Variants in CDC25A observed in about 807,000 individuals in gnomAD.
The protein encoded by CDC25A is M-phase inducer phosphatase 1.
In CDC25A, 17 loss-of-function variants were observed where a neutral mutation model predicts 64.6. That is an observed-to-expected ratio of 0.26 (90% CI 0.18 to 0.39). The LOEUF (loss-of-function observed/expected upper bound fraction) is 0.39, where lower values mean the gene tolerates loss of function less well. Among genes scored for constraint, CDC25A ranks in the 10% least tolerant of loss-of-function variants. The probability of loss-of-function intolerance (pLI) is 1.00; values close to 1 mark genes in which losing one functional copy is unlikely to be tolerated. For synonymous variants in CDC25A, 229 were observed against 238.6 expected (o/e 0.96, Z 0.37); for missense variants, 473 against 654.8 (o/e 0.72, Z 3.03).
At chr3:48,181,762 G>T in intron 5 of CDC25A, 7 of 595,158 alleles carry the variant, frequency 1.2e-5, no homozygotes, top group Admixed American at 2.7e-5. Context: ...ACATTTTAAA[G>T]TTCTGAGAGA....
chr3:48,186,296 G>A (rs908360683), intron 2 of CDC25A, among the ~76,000 whole-genome samples: 6 of 152,152 alleles, frequency 3.9e-5, no homozygotes, highest in African/African-American at 1.2e-4. Flanking sequence ...ATCACCGGGC[G>A]CGGTGGCTCA....
chr3:48,159,911 T>C (rs2031676302), intron 13 of CDC25A, among the ~76,000 whole-genome samples: 1 of 152,132 alleles, frequency 6.6e-6, no homozygotes, highest in Non-Finnish European at 1.5e-5. Context: ...TTGGACTGAA[T>C]GGTCTTCAAT....
At chr3:48,187,693 C>T in intron 1 of CDC25A, 85 bp downstream of exon 1, 2 of 1,347,318 alleles carry the variant, frequency 1.5e-6, no homozygotes, top group South Asian at 1.4e-5. Context: ...TCTCGCCCTT[C>T]TCCCGGTCCG....
rs1361884929 is a variant in CDC25A at position 48,158,876 on chromosome 3, T to A, written c.*69A>T. 2 of 1,570,460 alleles carry A rather than the reference T, an allele frequency of 1.3e-6. No individual in the cohort carries two copies. The highest frequency in any genetic ancestry group is 1.7e-6 in the Non-Finnish European group (2 of 1,152,746). On this transcript the variant is annotated 3_prime_UTR_variant, in exon 15 of 15. Transcript: ENST00000302506. ...CACAGCTGTCCCCTTTGCTTAAGTT[T>A]CTCTGCAGCAAAGAGGGTAAAGGGG...
intron 9 of CDC25A, among the ~76,000 whole-genome samples, chr3:48,170,575 G>A (rs1288731885): frequency 6.6e-6 from 1 of 152,220 alleles, no homozygotes; most frequent in Non-Finnish European, 1.5e-5. Flanking sequence ...CAGCTATCCA[G>A]AAGCTCTCTG....
intron 12 of CDC25A, 94 bp from the exon 13 acceptor site, chr3:48,164,531 A>T: frequency 5.8e-6 from 7 of 1,203,456 alleles, no homozygotes; most frequent in Non-Finnish European, 7.8e-6. Flanking sequence ...GTGATCTTTA[A>T]GTCCACAAGA....
intron 9 of CDC25A, among the ~76,000 whole-genome samples, chr3:48,172,557 A>G (rs1166689864): frequency 6.6e-6 from 1 of 152,232 alleles, no homozygotes; most frequent in East Asian, 1.9e-4. Context: ...TTAGGCCCAG[A>G]CAACCATGAC....
intron 13 of CDC25A, among the ~76,000 whole-genome samples, chr3:48,160,584 T>C (rs1467898287): frequency 6.6e-6 from 1 of 152,028 alleles, no homozygotes; most frequent in Non-Finnish European, 1.5e-5. Context: ...CTAATTTTTG[T>C]ATTTTTAGTA....
intron 9 of CDC25A, among the ~76,000 whole-genome samples, chr3:48,170,128 A>G (rs190960282): frequency 2.8e-4 from 42 of 152,332 alleles, no homozygotes; most frequent in Admixed American, 2.7e-3. Context: ...ACAGCAACAG[A>G]AGACAGAAGT....
chr3:48,182,081 A>G (rs1043867271), intron 5 of CDC25A, among the ~76,000 whole-genome samples: 2 of 152,226 alleles, frequency 1.3e-5, no homozygotes, highest in African/African-American at 4.8e-5. Flanking sequence ...AAAACCAGGC[A>G]TCAGTACAGC....
intron 5 of CDC25A, among the ~76,000 whole-genome samples, chr3:48,182,368 C>T (rs1429125956): frequency 1.3e-5 from 2 of 152,180 alleles, no homozygotes; most frequent in Non-Finnish European, 2.9e-5. Context: ...TGGATGCCTA[C>T]TCTGTGCAAT....
At chr3:48,159,504 C>A in intron 13 of CDC25A, 49 bp from the exon 14 acceptor site, 1 of 1,233,958 alleles carries the variant, frequency 8.1e-7, no homozygotes, top group South Asian at 1.2e-5. Flanking sequence ...TCCAGCACAG[C>A]AACAAGGCAA....
chr3:48,167,872 T>C lies in CDC25A; in HGVS notation c.1003A>G (p.Arg335Gly). The change falls in exon 10 of 15, where the codon AGG becomes GGG. Residue 335 changes from arginine (R) to glycine (G), a missense_variant. By Grantham distance (125) the Arg-to-Gly change is moderately radical. Coordinates refer to ENST00000302506, the MANE Select transcript of CDC25A (RefSeq NM_001789.3). ...TIENILDNDP[R>G]DLIGDFSKGY... ...TTGGAGAAGTCTCCTATAAGGTCCC[T>C]TGGGTCATTGTCCAAAATGTTCTCA... The C allele has an allele frequency of 6.2e-7, 1 of 1,605,190 alleles. No homozygotes were observed. The highest frequency in any genetic ancestry group is 1.7e-5 in the Admixed American group (1 of 59,966).
intron 3 of CDC25A, 82 bp from the exon 4 acceptor site, chr3:48,183,918 T>C: frequency 1.2e-6 from 1 of 843,082 alleles, no homozygotes; most frequent in Non-Finnish European, 1.9e-6. Context: ...GTGTTTAGCC[T>C]GTAGCTTGGG....
intron 8 of CDC25A, 68 bp from the exon 9 acceptor site, chr3:48,174,525 T>G (rs1029501623): frequency 1.1e-4 from 168 of 1,467,790 alleles, no homozygotes; most frequent in Admixed American, 5.3e-4. Flanking sequence ...GTAAGACAAA[T>G]AAACCGAAGG....
Position 48,166,386 on chromosome 3 carries a change from A to C in CDC25A, c.1030-493T>G, listed in dbSNP as rs371983052. Among the ~76,000 whole-genome samples, 4 of 152,330 alleles carry C rather than the reference A, an allele frequency of 2.6e-5. No homozygotes were observed. The East Asian group carries it at 7.7e-4, about 29-fold the overall frequency. On this transcript the variant is annotated intron_variant, in intron 10 of 14. Coordinates refer to ENST00000302506, the MANE Select transcript of CDC25A (RefSeq NM_001789.3). ...CTGACATTTAATTTTCACACAAACCAATGAGGTATATTATCCCCATTTTGA... is the reference window on the plus strand; with the variant it reads ...CTGACATTTAATTTTCACACAAACCCATGAGGTATATTATCCCCATTTTGA...
chr3:48,187,809 C>T lies in CDC25A; in HGVS notation c.139G>A (p.Val47Ile), dbSNP rs867954944. 3 of 1,547,900 alleles carry T rather than the reference C, an allele frequency of 1.9e-6. No individual in the cohort carries two copies. Among genetic ancestry groups the T allele is most frequent in the Non-Finnish European group, 2.6e-6 (3 of 1,145,418 alleles). ...AGACCCTGCAGCTGGTCCATAGTGACGGTCAGGTTGGTGACAGGCGACAGT... is the reference window on the plus strand; with the variant it reads ...AGACCCTGCAGCTGGTCCATAGTGATGGTCAGGTTGGTGACAGGCGACAGT... ...GGLSPVTNLT[V>I]TMDQLQGLGS... Residue 47 changes from valine to isoleucine, a missense_variant, in exon 1 of 15, where the codon GTC becomes ATC. Around this residue, in one of 2 missense-constraint regions of CDC25A, gnomAD observed 376 missense variants for 431.9 expected, o/e 0.87. Coordinates refer to ENST00000302506, the MANE Select transcript of CDC25A (RefSeq NM_001789.3).
At chr3:48,165,946 C>T (rs1264069738) in intron 10 of CDC25A, 53 bp from the exon 11 acceptor site, 4 of 1,198,116 alleles carry the variant, frequency 3.3e-6, no homozygotes, top group Non-Finnish European at 4.9e-6. Context: ...ATATTATTCA[C>T]ACTTATACTG....
At chr3:48,159,570 T>C (rs956661603) in intron 13 of CDC25A, 115 bp from the exon 14 acceptor site, 44 of 678,646 alleles carry the variant, frequency 6.5e-5, no homozygotes, top group Non-Finnish European at 1.0e-4. Flanking sequence ...CTTCCCAACT[T>C]GACATTTATT....
Sources: gnomAD v4.1 joint callset for allele counts (sites outside exome capture counted in the v4.1 genomes callset) on GRCh38, gnomAD v4.1.1 for gene constraint, gnomAD v4.1.1 regional missense constraint, MANE v1.5 for transcripts, NCBI Gene and HGNC (gene_info 2026-07-23, HGNC 2026-07-21) for gene names.